The following NCMAP variants were observed in gnomAD, a reference collection of about 807,000 sequenced individuals.
NCMAP encodes non-compact myelin associated protein.
Under a neutral mutation model 7.8 loss-of-function variants are expected in NCMAP, and 8 were observed. That is an observed-to-expected ratio of 1.02 (90% CI 0.60 to 1.84). The LOEUF (loss-of-function observed/expected upper bound fraction) is 1.84. Among genes scored for constraint, NCMAP ranks in the 40% most tolerant of loss-of-function variants. NCMAP has a pLI of 0.00. For synonymous variants in NCMAP, 41 were observed against 52.9 expected, an observed-to-expected ratio of 0.78 and a Z score of 0.98; for missense variants, 112 against 131.4, an observed-to-expected ratio of 0.85 and a Z score of 0.72.
At chr1:24,603,380 T>A (rs933433626) in intron 3 of NCMAP, among the ~76,000 whole-genome samples, 2 of 151,802 alleles carry the variant, frequency 1.3e-5, no homozygotes, top group Admixed American at 6.6e-5. Flanking sequence ...TAAAAAAAAA[T>A]TTAGGATATT....
At chr1:24,569,655 G>A (rs1284766817) in intron 1 of NCMAP, among the ~76,000 whole-genome samples, 1 of 150,482 alleles carries the variant, frequency 6.6e-6, no homozygotes, top group East Asian at 1.9e-4. Context: ...AGTCTCTCTG[G>A]GCCTCAGTTT....
chr1:24,561,299 A>T (rs1015421355), intron 1 of NCMAP, among the ~76,000 whole-genome samples: 20 of 152,000 alleles, frequency 1.3e-4, no homozygotes, highest in Non-Finnish European at 2.9e-4. Context: ...GTGAGCCGAG[A>T]TCGCACCACT....
chr1:24,602,054 AT>A (rs1652517081), intron 3 of NCMAP, among the ~76,000 whole-genome samples: 1 of 148,302 alleles, frequency 6.7e-6, no homozygotes, highest in Admixed American at 6.8e-5. Context: ...AAAAAAAAAA[AT>A]CATATATATA....
intron 3 of NCMAP, among the ~76,000 whole-genome samples, chr1:24,602,353 C>A (rs1652529800): frequency 1.5e-5 from 2 of 136,882 alleles, no homozygotes; most frequent in African/African-American, 7.3e-5. Context: ...GAGGCCGAGG[C>A]GGGCGGATCA....
intron 1 of NCMAP, among the ~76,000 whole-genome samples, chr1:24,593,015 AC>A (rs1209965383): frequency 6.6e-6 from 1 of 151,906 alleles, no homozygotes; most frequent in Non-Finnish European, 1.5e-5. Context: ...ACCCCATACT[AC>A]TAAAAATACA....
chr1:24,561,390 G>C (rs1217930281), intron 1 of NCMAP, among the ~76,000 whole-genome samples: 2 of 152,082 alleles, frequency 1.3e-5, no homozygotes, highest in African/African-American at 4.8e-5. Context: ...TTATATGACT[G>C]CATGGGTATA....
chr1:24,593,981 TC>T (rs1416203504), intron 1 of NCMAP, among the ~76,000 whole-genome samples: 1 of 152,106 alleles, frequency 6.6e-6, no homozygotes, highest in African/African-American at 2.4e-5. Context: ...AACCTCCACC[TC>T]CCAGGTTCAA....
intron 1 of NCMAP, among the ~76,000 whole-genome samples, chr1:24,560,462 C>T (rs561387745): frequency 1.3e-5 from 2 of 152,314 alleles, no homozygotes; most frequent in East Asian, 1.9e-4. Context: ...TTTCCTTAGT[C>T]TGTCGTGTAA....
At chr1:24,581,140 C>T (rs753964692) in intron 1 of NCMAP, among the ~76,000 whole-genome samples, 2 of 148,488 alleles carry the variant, frequency 1.3e-5, no homozygotes, top group African/African-American at 2.5e-5. Flanking sequence ...TTTTTTGAGA[C>T]GAGGTCTCGC....
intron 1 of NCMAP, among the ~76,000 whole-genome samples, chr1:24,590,996 G>A (rs551989880): frequency 6.6e-6 from 1 of 152,316 alleles, no homozygotes; most frequent in African/African-American, 2.4e-5. Flanking sequence ...ATGAAGCTGG[G>A]AGAAATTCAG....
intron 1 of NCMAP, among the ~76,000 whole-genome samples, chr1:24,560,962 G>T (rs1651031820): frequency 6.6e-6 from 1 of 151,962 alleles, no homozygotes; most frequent in African/African-American, 2.4e-5. Context: ...ATTGTTCCAT[G>T]GTGCCCTTGG....
chr1:24,568,157 G>A (rs1158101869), intron 1 of NCMAP, among the ~76,000 whole-genome samples: 1 of 152,098 alleles, frequency 6.6e-6, no homozygotes, highest in Non-Finnish European at 1.5e-5. Flanking sequence ...CTCAGGCTGT[G>A]GTATTTGCTC....
At chr1:24,603,734 G>T (rs1331548588) in intron 3 of NCMAP, among the ~76,000 whole-genome samples, 1 of 152,164 alleles carries the variant, frequency 6.6e-6, no homozygotes, top group South Asian at 2.1e-4. Flanking sequence ...CATGATGCCT[G>T]CAACTCACAA....
At chr1:24,599,735 G>A (rs999657302) in intron 2 of NCMAP, among the ~76,000 whole-genome samples, 3 of 147,004 alleles carry the variant, frequency 2.0e-5, no homozygotes, top group South Asian at 2.2e-4. Flanking sequence ...ATGCCATCAC[G>A]CCCGGCTAAT....
chr1:24,568,299 A>G (rs954314510), intron 1 of NCMAP, among the ~76,000 whole-genome samples: 1 of 152,238 alleles, frequency 6.6e-6, no homozygotes, highest in Admixed American at 6.5e-5. Context: ...CACAGCAGGA[A>G]GGAGAGGGAA....
intron 1 of NCMAP, among the ~76,000 whole-genome samples, chr1:24,580,650 C>T (rs952374358): frequency 6.6e-6 from 1 of 152,164 alleles, no homozygotes; most frequent in African/African-American, 2.4e-5. Context: ...AGGGTTTCAC[C>T]ATGTTTTGTC....
At chr1:24,584,680 C>A (rs889371799) in intron 1 of NCMAP, among the ~76,000 whole-genome samples, 1 of 149,668 alleles carries the variant, frequency 6.7e-6, no homozygotes, top group Non-Finnish European at 1.5e-5. Context: ...ATGGGGTGGG[C>A]GGTGGGGTGG....
intron 1 of NCMAP, among the ~76,000 whole-genome samples, chr1:24,587,439 T>C (rs1204129834): frequency 6.6e-6 from 1 of 152,236 alleles, no homozygotes; most frequent in Non-Finnish European, 1.5e-5. Context: ...TGATACCAGC[T>C]ACCCCAACTG....
intron 1 of NCMAP, among the ~76,000 whole-genome samples, chr1:24,583,692 G>A (rs1651799844): frequency 6.7e-6 from 1 of 148,978 alleles, no homozygotes; most frequent in Admixed American, 6.7e-5. Context: ...CTCCAGACTG[G>A]GTGACAGAGC....
Sources: gnomAD v4.1 joint callset for allele counts (sites outside exome capture counted in the v4.1 genomes callset) on GRCh38, gnomAD v4.1.1 for gene constraint, MANE v1.5 for transcripts, NCBI Gene and HGNC (gene_info 2026-07-23, HGNC 2026-07-21) for gene names.